Variants in DLG2 observed in about 807,000 individuals in gnomAD.
The protein encoded by DLG2 is disks large homolog 2.
DLG2 carries 45 observed loss-of-function variants against 132.5 expected under a neutral mutation model. That is an observed-to-expected ratio of 0.34 (90% CI 0.27 to 0.44). DLG2 has a LOEUF of 0.44. Among genes scored for constraint, DLG2 ranks in the 20% least tolerant of loss-of-function variants. The pLI, the probability that DLG2 is intolerant of heterozygous loss-of-function variation, is 1.00. For synonymous variants in DLG2, 424 were observed against 419.6 expected, an observed-to-expected ratio of 1.01 and a Z score of -0.13; for missense variants, 1,045 against 1,196.9, an observed-to-expected ratio of 0.87 and a Z score of 1.87.
chr11:85,285,444 A>G, intron 3 of DLG2, 79 bp from the exon 4 acceptor site: 3 of 1,317,408 alleles, frequency 2.3e-6, no homozygotes, highest in Non-Finnish European at 2.1e-6. Context: ...GTCCATATAT[A>G]GACATACAGA....
At chr11:83,669,254 C>G (rs549731962) in intron 18 of DLG2, among the ~76,000 whole-genome samples, 34 of 152,246 alleles carry the variant, frequency 2.2e-4, no homozygotes, top group African/African-American at 7.7e-4. Flanking sequence ...TAATTTACTG[C>G]AAAATAATAT....
chr11:83,823,567 T>C (rs117297502), intron 17 of DLG2, among the ~76,000 whole-genome samples: 4,608 of 152,242 alleles, frequency 0.03, 106 homozygotes, highest in Middle Eastern at 0.085. Flanking sequence ...AAGGGATTAA[T>C]TGGCCAGAGC....
chr11:84,062,437 T>C (rs1566291777), intron 10 of DLG2, among the ~76,000 whole-genome samples: 1 of 152,202 alleles, frequency 6.6e-6, no homozygotes. Context: ...CTACCATAGA[T>C]CTGAAAGTTC....
chr11:83,696,896 G>C (rs1002124235), intron 18 of DLG2, among the ~76,000 whole-genome samples: 3 of 152,146 alleles, frequency 2.0e-5, no homozygotes, highest in African/African-American at 7.2e-5. Flanking sequence ...TATGTACCAA[G>C]TCAAAAATCC....
At chr11:84,991,409 T>C (rs998174407) in intron 6 of DLG2, among the ~76,000 whole-genome samples, 1 of 148,926 alleles carries the variant, frequency 6.7e-6, no homozygotes, top group African/African-American at 2.5e-5. Context: ...CTCAGAAGGC[T>C]GAAGTGGGAG....
At position 85,534,195 on chromosome 11, in the gene DLG2, C is replaced by T. The variant is rs561654884; in HGVS notation, c.40+64462G>A. Reference sequence around the variant, plus strand: ...AACTCCTGGACTCACATGATCCACCCACCTCAGCCTCCCAAAGTGCTGACA... The same window carrying T: ...AACTCCTGGACTCACATGATCCACCTACCTCAGCCTCCCAAAGTGCTGACA... On this transcript the variant is annotated intron_variant, in intron 3 of 27. Transcript: ENST00000376104. Among the ~76,000 whole-genome samples, 4 of 152,162 alleles carry T rather than the reference C, an allele frequency of 2.6e-5. No individual in the cohort carries two copies. The East Asian group carries it at 7.7e-4, about 29-fold the overall frequency.
intron 18 of DLG2, among the ~76,000 whole-genome samples, chr11:83,709,116 G>T (rs2084752277): frequency 6.6e-6 from 1 of 151,780 alleles, no homozygotes; most frequent in Admixed American, 6.6e-5. Context: ...TGGGGTAGCT[G>T]CCAATAATAT....
intron 8 of DLG2, among the ~76,000 whole-genome samples, chr11:84,200,302 A>G (rs1354336972): frequency 6.6e-6 from 1 of 152,138 alleles, no homozygotes; most frequent in African/African-American, 2.4e-5. Flanking sequence ...GAAACATTTC[A>G]GGGGAAAGAA....
chr11:84,758,148 A>G (rs954911799), intron 6 of DLG2, among the ~76,000 whole-genome samples: 1 of 152,240 alleles, frequency 6.6e-6, no homozygotes, highest in African/African-American at 2.4e-5. Flanking sequence ...CTTATAATCT[A>G]ATAAGGATTG....
intron 7 of DLG2, among the ~76,000 whole-genome samples, chr11:84,468,452 C>T (rs2099100327): frequency 6.6e-6 from 1 of 151,510 alleles, no homozygotes; most frequent in Non-Finnish European, 1.5e-5. Context: ...GTTCCCTCCA[C>T]ACACCAAACC....
At chr11:83,583,691 A>G (rs1412774273) in intron 19 of DLG2, among the ~76,000 whole-genome samples, 2 of 152,244 alleles carry the variant, frequency 1.3e-5, no homozygotes, top group Non-Finnish European at 2.9e-5. Context: ...CTTCTGGACG[A>G]TAAGTTTCTT....
intron 6 of DLG2, among the ~76,000 whole-genome samples, chr11:84,675,339 G>A (rs1281798594): frequency 1.3e-5 from 2 of 152,112 alleles, no homozygotes; most frequent in Non-Finnish European, 2.9e-5. Context: ...AAGCAGAGCC[G>A]CTTCTCTCCT....
intron 6 of DLG2, among the ~76,000 whole-genome samples, chr11:84,919,464 A>T (rs951117134): frequency 2.0e-5 from 3 of 152,142 alleles, no homozygotes; most frequent in Non-Finnish European, 4.4e-5. Flanking sequence ...AAGGAGCAGA[A>T]TTCTTGAATT....
chr11:84,199,740 T>C (rs980772161), intron 8 of DLG2, among the ~76,000 whole-genome samples: 1 of 151,996 alleles, frequency 6.6e-6, no homozygotes, highest in Non-Finnish European at 1.5e-5. Context: ...TCAATAGAAA[T>C]TATTCAGGAT....
At chr11:84,378,598 G>A (rs1352270408) in intron 7 of DLG2, among the ~76,000 whole-genome samples, 1 of 151,570 alleles carries the variant, frequency 6.6e-6, no homozygotes. Flanking sequence ...TTTAAGATTT[G>A]GAACTCAAAT....
At chr11:84,900,522 C>G (rs1465985163) in intron 6 of DLG2, among the ~76,000 whole-genome samples, 1 of 152,012 alleles carries the variant, frequency 6.6e-6, no homozygotes, top group East Asian at 1.9e-4. Context: ...CATACTTTAA[C>G]AATGTGAAAA....
rs185946824 is a variant in DLG2, at chr11:84,906,131, A to G, written c.357+205530T>C. ...ATAATTTTAAATATTTACCTTAGGA[A>G]TACACTCTATAATTTTTATTTTCTT... On this transcript the variant is annotated intron_variant, in intron 6 of 27. Coordinates refer to ENST00000376104, the MANE Select transcript of DLG2 (RefSeq NM_001142699.3). Among the ~76,000 whole-genome samples the G allele has an allele frequency of 5.9e-5, 9 of 152,140 alleles. No homozygotes were observed. In the East Asian group the frequency reaches 1.4e-3, roughly 23 times the overall value.
At chr11:85,414,591 C>CTA (rs997614715) in intron 3 of DLG2, among the ~76,000 whole-genome samples, 2 of 151,830 alleles carry the variant, frequency 1.3e-5, no homozygotes, top group Non-Finnish European at 2.9e-5. Context: ...ATGTAATATT[C>CTA]TATATATATC....
At chr11:85,216,770 C>T (rs2082632378) in intron 4 of DLG2, among the ~76,000 whole-genome samples, 1 of 151,886 alleles carries the variant, frequency 6.6e-6, no homozygotes, top group African/African-American at 2.4e-5. Flanking sequence ...AATCTTGGCT[C>T]ACGGCAACCT....
Sources: gnomAD v4.1 joint callset for allele counts (sites outside exome capture counted in the v4.1 genomes callset) on GRCh38, gnomAD v4.1.1 for gene constraint, MANE v1.5 for transcripts, NCBI Gene and HGNC (gene_info 2026-07-23, HGNC 2026-07-21) for gene names.